Variants in ZNF736 observed in about 807,000 individuals in gnomAD.
ZNF736 encodes the protein zinc finger protein 736, also known as KRAB-containing zinc-finger repressor protein.
A neutral mutation model predicts 11.7 loss-of-function variants in ZNF736; 6 were observed. The observed-to-expected ratio is 0.51, with a 90% CI of 0.28 to 1.01. ZNF736 has a LOEUF of 1.01. ZNF736 is among the 50% of genes least tolerant of loss of function. The probability of loss-of-function intolerance (pLI) is 0.09; values close to 1 mark genes in which losing one functional copy is unlikely to be tolerated. For synonymous variants in ZNF736, 139 were observed against 164.7 expected, an observed-to-expected ratio of 0.84 and a Z score of 1.19; for missense variants, 444 against 496.0, an observed-to-expected ratio of 0.90 and a Z score of 1.00.
chr7:64,317,643 A>G (rs1344658858), intron 1 of ZNF736, among the ~76,000 whole-genome samples: 4 of 152,136 alleles, frequency 2.6e-5, no homozygotes, highest in Admixed American at 6.5e-5. Flanking sequence ...TAGAAAATCA[A>G]ATTTTATTTT....
chr7:64,353,504 T>C lies in ZNF736; in HGVS notation c.*4357T>C, dbSNP rs1389209308. 1 of 152,220 alleles carries C rather than the reference T, an allele frequency of 6.6e-6. No homozygotes were observed. The highest frequency in any genetic ancestry group is 6.5e-5 in the Admixed American group (1 of 15,286). 9.4% of individuals were successfully genotyped at this position (152,220 alleles called of 1,614,324 possible). A position where few individuals can be genotyped will look rare whatever the true frequency, so the allele number is the denominator to read the frequency against. On this transcript the variant is annotated 3_prime_UTR_variant, in exon 4 of 4. Coordinates refer to ENST00000423484, the MANE Select transcript of ZNF736 (RefSeq NM_001170905.3). ...GATTCAATATTTTTCAAAAGCAAATTTCAATATAATTTAACTCTTACATTT... is the reference window on the plus strand; with the variant it reads ...GATTCAATATTTTTCAAAAGCAAATCTCAATATAATTTAACTCTTACATTT...
At position 64,349,052 on chromosome 7, in the gene ZNF736, T is replaced by TC; in HGVS notation, c.1189_1190insC (p.Tyr397SerfsTer4). The TC allele has an allele frequency of 6.2e-7, 1 of 1,606,482 alleles. No individual in the cohort carries two copies. Among genetic ancestry groups the TC allele is most frequent in the Non-Finnish European group, 8.5e-7 (1 of 1,175,988 alleles). On this transcript the variant is annotated frameshift_variant, in exon 4 of 4. Transcript: ENST00000423484. LOFTEE classifies it low-confidence loss of function (END_TRUNC). ...GAGAATTCACACTGGAGAGAAACCC[T>TC]ACAAATGTGAAGAATGTGGCAAAGC...
At position 64,314,030 on chromosome 7, in the gene ZNF736, C is replaced by T; in HGVS notation, c.-121C>T. The T allele has an allele frequency of 7.1e-7, 1 of 1,402,246 alleles. No homozygotes were observed. Among genetic ancestry groups the T allele is most frequent in the East Asian group, 2.5e-5 (1 of 40,122 alleles). 86.9% of individuals were successfully genotyped at this position (1,402,246 alleles called of 1,614,324 possible). ...GCTCTGATCCTAGTTCGCGTCTCCACTGTTCCATCTCCTCCGTTCCTGGAG... is the reference window on the plus strand; with the variant it reads ...GCTCTGATCCTAGTTCGCGTCTCCATTGTTCCATCTCCTCCGTTCCTGGAG... On this transcript the variant is annotated 5_prime_UTR_variant, in exon 1 of 4. Transcript: ENST00000423484.
intron 1 of ZNF736, among the ~76,000 whole-genome samples, chr7:64,335,294 G>GT (rs1190858532): frequency 1.3e-5 from 2 of 150,530 alleles, no homozygotes; most frequent in Admixed American, 1.3e-4. Flanking sequence ...AGAACTTAAA[G>GT]TTTAAAAAAA....
rs182499992 is a variant in ZNF736, at chr7:64,330,552, G to A, written c.4-5707G>A. 9.5e-4 allele frequency among the ~76,000 whole-genome samples: 145 copies of A among 151,980 alleles called. 2 individuals are homozygous for A. The highest frequency in any genetic ancestry group is 1.7e-3 in the South Asian group (8 of 4,822). On this transcript the variant is annotated intron_variant, in intron 1 of 3. Coordinates refer to ENST00000423484, the MANE Select transcript of ZNF736 (RefSeq NM_001170905.3). ...GAGACCTCAGGAGCTACCTTGTTAC[G>A]GCTACCCCACTATGGCTGAGCTGCT...
chr7:64,349,048 A>G lies in ZNF736; in HGVS notation c.1185A>G (p.Lys395=). Residue 395 remains lysine (K), a synonymous_variant, in exon 4 of 4, where the codon AAA becomes AAG. Transcript: ENST00000423484. Reference sequence around the variant, plus strand: ...ATAAGAGAATTCACACTGGAGAGAAACCCTACAAATGTGAAGAATGTGGCA... The same window carrying G: ...ATAAGAGAATTCACACTGGAGAGAAGCCCTACAAATGTGAAGAATGTGGCA... The part of the protein sequence containing the change: ...TNHKRIHTGE[K]PYKCEECGKA... The G allele has an allele frequency of 1.9e-6, 3 of 1,606,448 alleles. No individual in the cohort carries two copies. The highest frequency in any genetic ancestry group is 2.6e-6 in the Non-Finnish European group (3 of 1,175,970).
At chr7:64,320,597 A>G (rs1415081637) in intron 1 of ZNF736, among the ~76,000 whole-genome samples, 2 of 152,196 alleles carry the variant, frequency 1.3e-5, no homozygotes, top group African/African-American at 4.8e-5. Context: ...TTTCAAATAC[A>G]TGGTAAGATT....
chr7:64,321,928 G>T (rs917759629), intron 1 of ZNF736, among the ~76,000 whole-genome samples: 1 of 152,142 alleles, frequency 6.6e-6, no homozygotes, highest in East Asian at 1.9e-4. Context: ...TTTTTAATAC[G>T]GTTTATAAAG....
intron 1 of ZNF736, among the ~76,000 whole-genome samples, chr7:64,316,984 A>G (rs1267363994): frequency 6.6e-6 from 1 of 152,226 alleles, no homozygotes; most frequent in Admixed American, 6.5e-5. Context: ...ATACATTTCT[A>G]CAAGAAAGTG....
At chr7:64,331,446 G>C (rs1439411919) in intron 1 of ZNF736, among the ~76,000 whole-genome samples, 1 of 152,218 alleles carries the variant, frequency 6.6e-6, no homozygotes. Flanking sequence ...GAGGGCTGCT[G>C]TTGGCAATTA....
At chr7:64,324,994 G>T (rs1442264813) in intron 1 of ZNF736, among the ~76,000 whole-genome samples, 1 of 152,166 alleles carries the variant, frequency 6.6e-6, no homozygotes. Flanking sequence ...TTCTACAGCT[G>T]CATTCTTTTG....
At chr7:64,315,542 TTG>T (rs1450549224) in intron 1 of ZNF736, among the ~76,000 whole-genome samples, 107 of 152,122 alleles carry the variant, frequency 7.0e-4, no homozygotes, top group African/African-American at 2.1e-3. Flanking sequence ...GTTGTTGTTG[TTG>T]TTTCTCAAAG....
chr7:64,322,483 T>A (rs563303675), intron 1 of ZNF736, among the ~76,000 whole-genome samples: 5 of 152,310 alleles, frequency 3.3e-5, no homozygotes, highest in African/African-American at 1.2e-4. Context: ...TGCCAAGCAC[T>A]GTTCTAAGAA....
chr7:64,349,183 T>C lies in ZNF736; in HGVS notation c.*36T>C, dbSNP rs552899352. ...AAGCCTTTACCAAGTCCTCATACTG[T>C]GTTCAACATCTGAAATTTAATACTG... On this transcript the variant is annotated 3_prime_UTR_variant, in exon 4 of 4. Coordinates refer to ENST00000423484, the MANE Select transcript of ZNF736 (RefSeq NM_001170905.3). 2.2e-5 allele frequency: 32 copies of C among 1,436,116 alleles called. No individual in the cohort carries two copies. The African/African-American group carries it at 4.2e-4, about 19-fold the overall frequency. 89.0% of individuals were successfully genotyped at this position (1,436,116 alleles called of 1,614,324 possible).
chr7:64,344,034 G>C (rs1164652980), intron 3 of ZNF736, among the ~76,000 whole-genome samples: 1 of 152,008 alleles, frequency 6.6e-6, no homozygotes, highest in Non-Finnish European at 1.5e-5. Context: ...CGAGCATGGT[G>C]GCTCACACCT....
At chr7:64,335,096 G>A (rs1464304701) in intron 1 of ZNF736, among the ~76,000 whole-genome samples, 2 of 152,120 alleles carry the variant, frequency 1.3e-5, no homozygotes, top group African/African-American at 4.8e-5. Flanking sequence ...CAAACAATGA[G>A]AACACATGGA....
chr7:64,337,746 G>GTTT (rs1187066176), intron 3 of ZNF736, among the ~76,000 whole-genome samples: 2 of 79,362 alleles, frequency 2.5e-5, no homozygotes, highest in Admixed American at 1.4e-4. Flanking sequence ...GTTTTGTTTT[G>GTTT]TTTTTTTTGG....
chr7:64,328,831 A>T (rs1789118594), intron 1 of ZNF736, among the ~76,000 whole-genome samples: 1 of 152,182 alleles, frequency 6.6e-6, no homozygotes, highest in Non-Finnish European at 1.5e-5. Context: ...TTGTACTTGA[A>T]TATTAATACT....
chr7:64,333,808 G>T (rs2115921463), intron 1 of ZNF736, among the ~76,000 whole-genome samples: 1 of 152,074 alleles, frequency 6.6e-6, no homozygotes, highest in East Asian at 1.9e-4. Context: ...AATTTTATAT[G>T]GAACCAAAAA....
Sources: allele counts gnomAD v4.1 joint callset (sites outside exome capture counted in the v4.1 genomes callset), GRCh38; gene constraint gnomAD v4.1.1; transcripts MANE v1.5; gene names NCBI Gene and HGNC (gene_info 2026-07-23, HGNC 2026-07-21).